Variants in LBX2 observed in about 807,000 individuals in gnomAD.
The protein encoded by LBX2 is transcription factor LBX2.
Under a neutral mutation model 7.5 loss-of-function variants are expected in LBX2, and 6 were observed. That is an observed-to-expected ratio of 0.80 (90% CI 0.44 to 1.59). The LOEUF (loss-of-function observed/expected upper bound fraction) is 1.59, where lower values mean the gene tolerates loss of function less well. Among genes scored for constraint, LBX2 ranks in the 40% most tolerant of loss-of-function variants. The probability of loss-of-function intolerance (pLI) is 0.01; values close to 1 mark genes in which losing one functional copy is unlikely to be tolerated. For synonymous variants in LBX2, 143 were observed against 133.2 expected (o/e 1.07, Z -0.51); for missense variants, 281 against 282.0 (o/e 1.00, Z 0.03).
upstream of LBX2, chr2:74,499,634 G>C: frequency 7.6e-7 from 1 of 1,313,416 alleles, no homozygotes; most frequent in South Asian, 1.5e-5. The surrounding 1 kb of genome is among the most constrained non-coding windows in gnomAD (Gnocchi z 4.6). Context: ...CCCCAGCCTC[G>C]GACCCGCCCC....
At chr2:74,500,066 C>T (rs957432931), upstream of LBX2, among the ~76,000 whole-genome samples, 21 of 152,306 alleles carry the variant, frequency 1.4e-4, no homozygotes, top group East Asian at 4.1e-3. Flanking sequence ...TTCCCCACCC[C>T]ACCCCTGAGA....
At position 74,498,174 on chromosome 2, in the gene LBX2, C is replaced by T. The variant is rs749652540; in HGVS notation, c.350G>A (p.Gly117Glu). The change falls in exon 2 of 2, where the codon GGG (glycine) becomes GAG (glutamate). Residue 117 changes from glycine to glutamate, a missense_variant. By Grantham distance (98) the Gly-to-Glu change is moderately conservative. Coordinates refer to ENST00000377566, the MANE Select transcript of LBX2 (RefSeq NM_001282430.2). Reference protein sequence around the residue: ...QKYLAPSERDGLATRLGLANA... With the variant: ...QKYLAPSERDELATRLGLANA... The stretch of plus-strand genomic sequence containing the variant: ...GGCCAGGCCGAGTCGCGTAGCTAGC[C>T]CGTCTCGCTCGGACGGCGCCAGGTA... The T allele has an allele frequency of 6.2e-7, 1 of 1,612,586 alleles. No individual in the cohort carries two copies. The highest frequency in any genetic ancestry group is 1.1e-5 in the South Asian group (1 of 91,024).
At chr2:74,498,796 C>CCCG (rs927142227) in intron 1 of LBX2, 2 of 193,604 alleles carry the variant, frequency 1.0e-5, no homozygotes, top group African/African-American at 4.7e-5. Context: ...GACACCAGAG[C>CCCG]CCGCTCCTCC....
intron 1 of LBX2, chr2:74,498,694 C>T: frequency 3.9e-6 from 1 of 256,414 alleles, no homozygotes; most frequent in Non-Finnish European, 7.5e-6. Flanking sequence ...GAGTAAGAGT[C>T]AGGGCAGCCG....
At chr2:74,502,564 G>GTGA, upstream of LBX2, 1 of 1,178,486 alleles carries the variant, frequency 8.5e-7, no homozygotes, top group Non-Finnish European at 1.2e-6. The surrounding 1 kb of genome is among the most constrained non-coding windows in gnomAD (Gnocchi z 5.4). Flanking sequence ...GCGGAGGAGC[G>GTGA]TGAGGCGGGG....
upstream of LBX2, chr2:74,499,770 A>C (rs938634106): frequency 1.7e-6 from 1 of 589,356 alleles, no homozygotes; most frequent in African/African-American, 1.9e-5. This position sits in a 1 kb window ranked among gnomAD's most constrained non-coding sequence, Gnocchi z 4.6. Context: ...GCAGGCGCGG[A>C]GAGCAGAAGC....
rs1365695890 is a variant in LBX2, at chr2:74,499,430, C to T, written c.108G>A (p.Glu36=). 1 of 1,550,636 alleles carries T rather than the reference C, an allele frequency of 6.4e-7. No homozygotes were observed. Residue 36 remains glutamate, a synonymous_variant, in exon 1 of 2, where the codon GAG becomes GAA. Coordinates refer to ENST00000377566, the MANE Select transcript of LBX2 (RefSeq NM_001282430.2). This position sits in a 1 kb window ranked among gnomAD's most constrained non-coding sequence, Gnocchi z 4.6. ...GCGGCGACGTTGGACCCGGACCCGA[C>T]TCTGGAAGCTGCGGCGCAGAGGGTG... ...PRAPSAPQLP[E]SGPGPTSPLC...
At chr2:74,499,960 T>TTC (rs1417249350), upstream of LBX2, among the ~76,000 whole-genome samples, 1 of 152,114 alleles carries the variant, frequency 6.6e-6, no homozygotes, top group African/African-American at 2.4e-5. The surrounding 1 kb of genome is among the most constrained non-coding windows in gnomAD (Gnocchi z 4.6). Flanking sequence ...CCCCAGCGGC[T>TTC]GGGGATTTGC....
chr2:74,498,984 T>TA (rs2104302154), intron 1 of LBX2: 2 of 330,054 alleles, frequency 6.1e-6, no homozygotes, highest in East Asian at 1.2e-4. Flanking sequence ...GTGCCGCCTT[T>TA]GCAGGCTCAC....
chr2:74,498,043 C>T lies in LBX2; in HGVS notation c.481G>A (p.Val161Ile). Reference protein sequence around the residue: ...VASLRALSPEVLCSLALPEGA... With the variant: ...VASLRALSPEILCSLALPEGA... The stretch of plus-strand genomic sequence containing the variant: ...TCGGGCAGTGCTAAGCTGCACAGGA[C>T]TTCCGGGGACAACGCGCGTAGCGAG... Residue 161 changes from valine (V) to isoleucine (I), a missense_variant, in exon 2 of 2, where the codon GTC (valine) becomes ATC (isoleucine). Transcript: ENST00000377566. 1 of 1,613,684 alleles carries T rather than the reference C, an allele frequency of 6.2e-7. No homozygotes were observed. The highest frequency in any genetic ancestry group is 8.5e-7 in the Non-Finnish European group (1 of 1,179,860).
upstream of LBX2, chr2:74,502,601 G>C: frequency 6.6e-7 from 1 of 1,517,250 alleles, no homozygotes; most frequent in Non-Finnish European, 9.1e-7. The surrounding 1 kb of genome is among the most constrained non-coding windows in gnomAD (Gnocchi z 5.4). Context: ...ACACTTCTGG[G>C]ATTGTTTTCT....
In LBX2 at chr2:74,497,720, G is replaced by C. The variant is rs1224934866; in HGVS notation, c.*207C>G. 3.6e-6 allele frequency: 2 copies of C among 562,900 alleles called. No individual in the cohort carries two copies. The highest frequency in any genetic ancestry group is 3.8e-5 in the African/African-American group (2 of 52,530). 34.9% of individuals were successfully genotyped at this position (562,900 alleles called of 1,614,324 possible). A position where few individuals can be genotyped will look rare whatever the true frequency, so the allele number is the denominator to read the frequency against. ...CTGCAGTGAGCGGTGATCGCTCCAC[G>C]GCACTCCAGCCTGGGCGACAGAGCG... On this transcript the variant is annotated 3_prime_UTR_variant, in exon 2 of 2. Transcript: ENST00000377566.
At chr2:74,498,962 C>A in intron 1 of LBX2, 1 of 298,980 alleles carries the variant, frequency 3.3e-6, no homozygotes, top group Non-Finnish European at 6.3e-6. Flanking sequence ...ACTCGACTCT[C>A]CAGCGCTTTC....
intron 1 of LBX2, chr2:74,498,616 G>T: frequency 2.3e-6 from 1 of 438,926 alleles, no homozygotes; most frequent in Admixed American, 4.0e-5. Context: ...ACCTTCTGGG[G>T]TGGAGCCTTT....
chr2:74,502,199 C>G (rs183090605), upstream of LBX2: 1 of 163,982 alleles, frequency 6.1e-6, no homozygotes, highest in East Asian at 1.8e-4. The surrounding 1 kb of genome is among the most constrained non-coding windows in gnomAD (Gnocchi z 5.4). Context: ...TGCTTCCTCA[C>G]ACCTCCCCTT....
At chr2:74,498,951 GA>G in intron 1 of LBX2, 1 of 267,492 alleles carries the variant, frequency 3.7e-6, no homozygotes, top group East Asian at 8.5e-5. Flanking sequence ...CACCCGGAAA[GA>G]CTCGACTCTC....
chr2:74,502,671 G>A (rs1251018585), upstream of LBX2: 1 of 1,613,866 alleles, frequency 6.2e-7, no homozygotes, highest in Non-Finnish European at 8.5e-7. This position sits in a 1 kb window ranked among gnomAD's most constrained non-coding sequence, Gnocchi z 5.4. Flanking sequence ...CGTGACTTTG[G>A]GGGCGGCAGG....
At position 74,497,986 on chromosome 2, in the gene LBX2, G is replaced by A. The variant is rs373555816; in HGVS notation, c.538C>T (p.Pro180Ser). Residue 180 changes from proline (P) to serine (S), a missense_variant, in exon 2 of 2, where the codon CCT becomes TCT. Coordinates refer to ENST00000377566, the MANE Select transcript of LBX2 (RefSeq NM_001282430.2). ...TGGGGCCGGGAGTCAGGGCCGGCAGGGCCGAGGCAGAGGCCGGGATCTGGA... is the reference window on the plus strand; with the variant it reads ...TGGGGCCGGGAGTCAGGGCCGGCAGAGCCGAGGCAGAGGCCGGGATCTGGA... ...GAPDPGLCLG[P>S]AGPDSRPHLS... The A allele has an allele frequency of 1.2e-5, 19 of 1,607,074 alleles. No homozygotes were observed. The African/African-American group carries it at 2.1e-4, about 18-fold the overall frequency.
At position 74,499,414 on chromosome 2, in the gene LBX2, T is replaced by G. The variant is rs1674436842; in HGVS notation, c.124A>C (p.Thr42Pro). The G allele has an allele frequency of 1.9e-6, 3 of 1,550,454 alleles. No individual in the cohort carries two copies. The highest frequency in any genetic ancestry group is 1.4e-5 in the African/African-American group (1 of 73,052). ...PQLPESGPGP[T>P]SPLCALEELT... ...TCCTCCAGCGCGCACAGCGGCGACG[T>G]TGGACCCGGACCCGACTCTGGAAGC... Residue 42 changes from threonine (T) to proline (P), a missense_variant, in exon 1 of 2, where the codon ACG (threonine) becomes CCG (proline). By Grantham distance (38) the Thr-to-Pro change is conservative. Transcript: ENST00000377566. The surrounding 1 kb of genome is among the most constrained non-coding windows in gnomAD (Gnocchi z 4.6).
Sources: gnomAD v4.1 joint callset for allele counts (sites outside exome capture counted in the v4.1 genomes callset) on GRCh38, gnomAD v4.1.1 for gene constraint, Gnocchi (gnomAD v3.1) non-coding constraint, MANE v1.5 for transcripts, NCBI Gene and HGNC (gene_info 2026-07-23, HGNC 2026-07-21) for gene names.